Variants in AGBL4 observed in about 807,000 individuals in gnomAD.
The protein encoded by AGBL4 is cytosolic carboxypeptidase 6.
In AGBL4, 58 loss-of-function variants were observed where a neutral mutation model predicts 66.4. The ratio of observed to expected loss-of-function variants is 0.87; its 90% CI spans 0.71 to 1.09. The LOEUF is 1.09. Ranked by LOEUF, AGBL4 falls within the 50% of genes least tolerant of loss-of-function variation. The probability of loss-of-function intolerance (pLI) is 0.00; values close to 1 mark genes in which losing one functional copy is unlikely to be tolerated. For synonymous variants in AGBL4, 234 were observed against 222.9 expected (o/e 1.05, Z -0.44); for missense variants, 579 against 631.0 (o/e 0.92, Z 0.88).
rs1374843227 is a variant in AGBL4 at position 49,095,996 on chromosome 1, AAAAC to A, written c.378-50200_378-50197del. Among the ~76,000 whole-genome samples the A allele has an allele frequency of 1.2e-3, 181 of 152,302 alleles. 1 individual carries two copies. The highest frequency in any genetic ancestry group is 4.3e-3 in the African/African-American group (177 of 41,550). On this transcript the variant is annotated intron_variant, in intron 4 of 13. Transcript: ENST00000371839. ...ATGAAATCAAACAAATTTACAAAAA[AAAAC>A]AAACAACCCCATCAAAAAGTGGGCA...
intron 2 of AGBL4, among the ~76,000 whole-genome samples, chr1:49,809,949 C>G (rs544908108): frequency 6.6e-6 from 1 of 152,262 alleles, no homozygotes; most frequent in African/African-American, 2.4e-5. Context: ...TCCAATAATA[C>G]CTTCCCACCC....
chr1:49,975,909 C>G (rs1249571607), intron 1 of AGBL4, among the ~76,000 whole-genome samples: 1 of 152,160 alleles, frequency 6.6e-6, no homozygotes, highest in Non-Finnish European at 1.5e-5. Flanking sequence ...AAAAGCAAAG[C>G]CATGGTAACT....
chr1:48,899,990 C>T (rs1279474843), intron 5 of AGBL4, among the ~76,000 whole-genome samples: 6 of 151,828 alleles, frequency 4.0e-5, no homozygotes, highest in African/African-American at 1.5e-4. Context: ...GGGGTGGGGT[C>T]AGAAAAGATT....
intron 3 of AGBL4, among the ~76,000 whole-genome samples, chr1:49,369,250 C>T (rs1644295304): frequency 6.6e-6 from 1 of 152,118 alleles, no homozygotes; most frequent in South Asian, 2.1e-4. Context: ...CCAGCATAAC[C>T]TTTAGATATC....
chr1:48,929,925 C>T (rs1045899590), intron 5 of AGBL4, among the ~76,000 whole-genome samples: 7 of 152,254 alleles, frequency 4.6e-5, no homozygotes, highest in South Asian at 4.1e-4. Context: ...CACTTCCAGG[C>T]TTAGGCCTCC....
At chr1:48,935,315 T>G (rs1185697673) in intron 5 of AGBL4, among the ~76,000 whole-genome samples, 1 of 151,942 alleles carries the variant, frequency 6.6e-6, no homozygotes. Flanking sequence ...CTTACCAGAG[T>G]GTCTTTAAGG....
At chr1:48,750,216 C>T (rs529255794) in intron 6 of AGBL4, among the ~76,000 whole-genome samples, 1 of 152,288 alleles carries the variant, frequency 6.6e-6, no homozygotes, top group Admixed American at 6.5e-5. Flanking sequence ...TGAAGGACTG[C>T]ACCCCAGCCC....
chr1:48,929,167 C>T (rs984207866), intron 5 of AGBL4, among the ~76,000 whole-genome samples: 7 of 152,156 alleles, frequency 4.6e-5, no homozygotes, highest in Middle Eastern at 3.2e-3. Context: ...ACAGAGATAT[C>T]CTTTTAAAAT....
chr1:48,912,662 T>C (rs181192005), intron 5 of AGBL4, among the ~76,000 whole-genome samples: 29 of 152,278 alleles, frequency 1.9e-4, no homozygotes, highest in Middle Eastern at 3.4e-3. Context: ...ATAAGGTGGT[T>C]TCCTGTCCAG....
chr1:49,042,424 A>G (rs776364394), intron 5 of AGBL4, among the ~76,000 whole-genome samples: 1 of 152,178 alleles, frequency 6.6e-6, no homozygotes, highest in African/African-American at 2.4e-5. Flanking sequence ...ATTCTCCCAC[A>G]TAGTTAGAGG....
At chr1:48,997,726 T>C (rs1661119882) in intron 5 of AGBL4, among the ~76,000 whole-genome samples, 2 of 152,324 alleles carry the variant, frequency 1.3e-5, no homozygotes, top group South Asian at 4.1e-4. Context: ...AATATGAGGA[T>C]GAAATGCCTA....
chr1:49,156,412 C>T (rs752464880), intron 4 of AGBL4, among the ~76,000 whole-genome samples: 2 of 152,152 alleles, frequency 1.3e-5, no homozygotes, highest in African/African-American at 2.4e-5. Flanking sequence ...AGACAGCAAA[C>T]ATTTATTATC....
chr1:49,692,708 ACT>A (rs1237740978), intron 3 of AGBL4, among the ~76,000 whole-genome samples: 2 of 147,566 alleles, frequency 1.4e-5, no homozygotes, highest in African/African-American at 2.5e-5. Context: ...ACAGAAAAAG[ACT>A]CTGTCTCAAA....
chr1:49,359,948 C>T (rs1407539058), intron 3 of AGBL4, among the ~76,000 whole-genome samples: 1 of 151,906 alleles, frequency 6.6e-6, no homozygotes, highest in African/African-American at 2.4e-5. Flanking sequence ...GGTTGGTGAC[C>T]CTTGATATGA....
chr1:48,910,198 G>A (rs1351771671), intron 5 of AGBL4, among the ~76,000 whole-genome samples: 1 of 152,222 alleles, frequency 6.6e-6, no homozygotes, highest in African/African-American at 2.4e-5. Flanking sequence ...GAGGCTGACT[G>A]AAAGGCAACC....
intron 3 of AGBL4, chr1:49,374,366 C>A (rs1008407387): frequency 2.0e-5 from 3 of 151,604 alleles, no homozygotes; most frequent in Non-Finnish European, 4.4e-5. Flanking sequence ...AAACAAAAAA[C>A]CTTGGTTGTA....
chr1:48,944,095 C>G (rs1656245997), intron 5 of AGBL4, among the ~76,000 whole-genome samples: 1 of 152,204 alleles, frequency 6.6e-6, no homozygotes, highest in East Asian at 1.9e-4. Context: ...AAGGCACTGG[C>G]CTGCCTCATT....
the AGBL4 span, among the ~76,000 whole-genome samples, chr1:48,525,236 A>T: frequency 6.6e-6 from 1 of 152,208 alleles, no homozygotes; most frequent in Non-Finnish European, 1.5e-5. Context: ...ACACAATAAA[A>T]GTGAAATACC....
chr1:49,789,577 A>G (rs933217563), intron 2 of AGBL4, among the ~76,000 whole-genome samples: 4 of 152,228 alleles, frequency 2.6e-5, no homozygotes, highest in Non-Finnish European at 5.9e-5. Context: ...GTGAACTCCC[A>G]TTCATGATTG....
Sources: gnomAD v4.1 joint callset for allele counts (sites outside exome capture counted in the v4.1 genomes callset) on GRCh38, gnomAD v4.1.1 for gene constraint, MANE v1.5 for transcripts, NCBI Gene and HGNC (gene_info 2026-07-23, HGNC 2026-07-21) for gene names.